The following FNBP1 variants were observed in gnomAD, a reference collection of about 807,000 sequenced individuals.
FNBP1 encodes the protein formin-binding protein 1.
In FNBP1, 26 loss-of-function variants were observed where a neutral mutation model predicts 90.6. The observed-to-expected ratio is 0.29, with a 90% CI of 0.21 to 0.40. The LOEUF (loss-of-function observed/expected upper bound fraction) is 0.40. Among genes scored for constraint, FNBP1 ranks in the 10% least tolerant of loss-of-function variants. FNBP1 has a pLI of 1.00. For synonymous variants in FNBP1, 260 were observed against 265.2 expected (o/e 0.98, Z 0.19); for missense variants, 635 against 768.0 (o/e 0.83, Z 2.05).
intron 11 of FNBP1, among the ~76,000 whole-genome samples, chr9:129,914,024 T>C (rs983029535): frequency 1.3e-5 from 2 of 151,246 alleles, no homozygotes; most frequent in Non-Finnish European, 2.9e-5. Flanking sequence ...CCTGGCTAAT[T>C]TTTGTATTTG....
intron 12 of FNBP1, among the ~76,000 whole-genome samples, chr9:129,907,788 G>A (rs2038422180): frequency 6.6e-6 from 1 of 152,174 alleles, no homozygotes; most frequent in Admixed American, 6.5e-5. Flanking sequence ...GAGTGCAGTG[G>A]CGCAATCTCG....
chr9:130,049,637 G>C, the FNBP1 span, among the ~76,000 whole-genome samples: 2 of 151,948 alleles, frequency 1.3e-5, no homozygotes, highest in East Asian at 3.9e-4. Flanking sequence ...GGAGTTGGAA[G>C]CTGCAGTGAG....
chr9:129,895,799 GTTT>G (rs71738364), intron 16 of FNBP1, 36 bp downstream of exon 16: 2 of 1,357,240 alleles, frequency 1.5e-6, no homozygotes. Flanking sequence ...TTTTTTTTAA[GTTT>G]TTTTTTTTTA....
chr9:130,011,834 A>G (rs539812714), intron 1 of FNBP1, among the ~76,000 whole-genome samples: 32 of 152,340 alleles, frequency 2.1e-4, no homozygotes, highest in African/African-American at 6.7e-4. Flanking sequence ...AGATATATCA[A>G]TCCTCCCCTA....
Position 129,903,115 on chromosome 9 carries a change from G to A in FNBP1, c.1296-114C>T, listed in dbSNP as rs560255105. 10 of 1,018,810 alleles carry A rather than the reference G, an allele frequency of 9.8e-6. No individual in the cohort carries two copies. In the East Asian group the frequency reaches 1.1e-4, roughly 11 times the overall value. The allele number at this position is 1,018,810 out of a possible 1,614,324, so 63.1% of individuals were successfully genotyped here. On this transcript the variant is annotated intron_variant, in intron 12 of 16. Transcript: ENST00000446176. ...TGGTGCGATCTCGGCTCACTGCAAC[G>A]ATCTTGGCTCACTGCAACCTTCACC...
intron 6 of FNBP1, chr9:129,936,240 G>A (rs982539416): frequency 1.2e-4 from 18 of 152,124 alleles, no homozygotes; most frequent in African/African-American, 3.4e-4. Context: ...ATTTAACGTC[G>A]TTATCACAAG....
rs2132484126 is a variant in FNBP1, at chr9:130,042,828, C to G, written c.24+124G>C. 1.7e-6 allele frequency: 1 copy of G among 577,666 alleles called. No individual in the cohort carries two copies. The highest frequency in any genetic ancestry group is 8.5e-5 in the South Asian group (1 of 11,806). The allele number at this position is 577,666 out of a possible 1,614,324, so 35.8% of individuals were successfully genotyped here. ...TTGGAACCCCGCCTCCTCCCCAGGC[C>G]GCGAGGACCCCGACCAGCGCGCCCT... is the stretch of plus-strand genomic sequence containing the variant. On this transcript the variant is annotated intron_variant, in intron 1 of 16. Coordinates refer to ENST00000446176, the MANE Select transcript of FNBP1 (RefSeq NM_015033.3). The surrounding 1 kb of genome is among the most constrained non-coding windows in gnomAD (Gnocchi z 5.5).
At chr9:130,035,320 G>A (rs538195064) in intron 1 of FNBP1, among the ~76,000 whole-genome samples, 115 of 152,286 alleles carry the variant, frequency 7.6e-4, no homozygotes, top group African/African-American at 2.7e-3. Context: ...AATGATAAAG[G>A]AAGGCAGAGA....
At chr9:129,988,756 G>A (rs776066631) in intron 2 of FNBP1, among the ~76,000 whole-genome samples, 14 of 152,104 alleles carry the variant, frequency 9.2e-5, no homozygotes, top group Non-Finnish European at 1.3e-4. Flanking sequence ...TTGCAAAAGT[G>A]GCCATAGACA....
Position 129,895,928 on chromosome 9 carries a change from C to T in FNBP1, c.1756G>A (p.Asp586Asn), listed in dbSNP as rs1564249806. The T allele has an allele frequency of 1.9e-6, 3 of 1,613,598 alleles. No homozygotes were observed. Among genetic ancestry groups the T allele is most frequent in the Non-Finnish European group, 2.5e-6 (3 of 1,179,800 alleles). Residue 586 changes from aspartate (D) to asparagine (N), a missense_variant, in exon 16 of 17, where the codon GAT (aspartate) becomes AAT (asparagine). Physicochemically the swap from Asp to Asn is conservative, Grantham distance 23 (BLOSUM62 1). Transcript: ENST00000446176. The part of the protein sequence containing the change: ...TLYVIEEDKG[D>N]GWTRIRRNED... ...TTTCTCCGAATGCGGGTCCAGCCATCGCCTTTGTCTTCCTCTATGACATAC... is the reference window on the plus strand; with the variant it reads ...TTTCTCCGAATGCGGGTCCAGCCATTGCCTTTGTCTTCCTCTATGACATAC...
At chr9:130,019,842 G>A (rs1174441127) in intron 1 of FNBP1, among the ~76,000 whole-genome samples, 1 of 152,048 alleles carries the variant, frequency 6.6e-6, no homozygotes, top group Non-Finnish European at 1.5e-5. Flanking sequence ...ACAGGCGTGA[G>A]CCACCGCGCC....
chr9:129,960,383 C>CAAAAAAAAAAA (rs10715833), intron 4 of FNBP1, among the ~76,000 whole-genome samples: 36 of 80,368 alleles, frequency 4.5e-4, no homozygotes, highest in African/African-American at 6.4e-4. Context: ...GACTCCATCT[C>CAAAAAAAAAAA]AAAAAAAAAA....
upstream of FNBP1, chr9:130,043,199 A>AGCGC: frequency 2.8e-6 from 1 of 359,708 alleles, no homozygotes; most frequent in Non-Finnish European, 4.9e-6. Flanking sequence ...CGGCCGCCGC[A>AGCGC]GCGCCCGCCC....
chr9:129,890,492 G>C lies in FNBP1; in HGVS notation c.*47C>G. The C allele has an allele frequency of 1.3e-6, 2 of 1,547,288 alleles. No homozygotes were observed. Among genetic ancestry groups the C allele is most frequent in the East Asian group, 2.4e-5 (1 of 42,368 alleles). On this transcript the variant is annotated 3_prime_UTR_variant, in exon 17 of 17. Coordinates refer to ENST00000446176, the MANE Select transcript of FNBP1 (RefSeq NM_015033.3). The surrounding 1 kb of genome is among the most constrained non-coding windows in gnomAD (Gnocchi z 5.8). The stretch of plus-strand genomic sequence containing the variant: ...TGGAGGCCTGTGGGAACAAGCAGAC[G>C]GAGGCTCCTCCAGGAAGGCTCACCC...
chr9:130,012,368 A>C (rs1036470842), intron 1 of FNBP1, among the ~76,000 whole-genome samples: 4 of 152,148 alleles, frequency 2.6e-5, no homozygotes, highest in Non-Finnish European at 4.4e-5. Context: ...GCCCTCAGTA[A>C]GTGTTAATGC....
At chr9:129,944,998 TAA>T (rs1431395026) in intron 6 of FNBP1, among the ~76,000 whole-genome samples, 2 of 152,088 alleles carry the variant, frequency 1.3e-5, no homozygotes, top group Admixed American at 1.3e-4. Flanking sequence ...CACACATAAA[TAA>T]ATACATATAT....
intron 10 of FNBP1, among the ~76,000 whole-genome samples, chr9:129,923,483 G>A (rs567623245): frequency 1.0e-3 from 159 of 151,710 alleles, no homozygotes; most frequent in Non-Finnish European, 2.0e-3. Context: ...GGAGGCCGAG[G>A]CAGGAGAATC....
At chr9:129,918,298 A>G (rs957666893) in intron 10 of FNBP1, among the ~76,000 whole-genome samples, 3 of 152,248 alleles carry the variant, frequency 2.0e-5, no homozygotes, top group Non-Finnish European at 4.4e-5. Flanking sequence ...ATCATTATAT[A>G]CTGGTTTTCA....
intron 6 of FNBP1, among the ~76,000 whole-genome samples, chr9:129,953,720 T>C (rs1404828807): frequency 6.6e-6 from 1 of 150,592 alleles, no homozygotes; most frequent in African/African-American, 2.4e-5. Context: ...TCTTAATGTT[T>C]ATAATGGAGA....
Sources: allele counts gnomAD v4.1 joint callset (sites outside exome capture counted in the v4.1 genomes callset), GRCh38; gene constraint gnomAD v4.1.1; non-coding constraint Gnocchi (gnomAD v3.1); transcripts MANE v1.5; gene names NCBI Gene and HGNC (gene_info 2026-07-23, HGNC 2026-07-21).